RANBP2: variants seen among roughly 807,000 people sequenced by gnomAD.
The protein encoded by RANBP2 is E3 SUMO-protein ligase RanBP2.
A neutral mutation model predicts 303.6 loss-of-function variants in RANBP2; 57 were observed. The observed-to-expected ratio is 0.19, with a 90% CI of 0.15 to 0.23. The LOEUF is 0.23. RANBP2 is among the 10% of genes least tolerant of loss of function. The pLI is 1.00. For missense variants in RANBP2, 3,138 were observed against 3,780.8 expected (o/e 0.83, Z 4.46); for synonymous variants, 1,167 against 1,301.5 (o/e 0.90, Z 2.23).
Position 108,736,214 on chromosome 2 carries a change from T to C in RANBP2, c.747T>C (p.Thr249=). 9.9e-6 allele frequency: 16 copies of C among 1,611,988 alleles called. No individual in the cohort carries two copies. Among genetic ancestry groups the C allele is most frequent in the Non-Finnish European group, 1.4e-5 (16 of 1,179,840 alleles). Residue 249 remains threonine (T), a synonymous_variant, in exon 6 of 29, where the codon ACT becomes ACC. Transcript: ENST00000283195. Reference sequence around the variant, plus strand: ...ATCTTATGCTTCTTACGCTTTCCACTAGAGATGTGCAGGAAAGTAGAGAAT... The same window carrying C: ...ATCTTATGCTTCTTACGCTTTCCACCAGAGATGTGCAGGAAAGTAGAGAAT... ...YANLMLLTLS[T]RDVQESRELL...
chr2:109,610,625 A>G, the RANBP2 span, among the ~76,000 whole-genome samples: 1 of 152,122 alleles, frequency 6.6e-6, no homozygotes, highest in East Asian at 1.9e-4. Context: ...CTGGGGTAGG[A>G]GAATCGCTTG....
chr2:109,253,503 T>G, the RANBP2 span, among the ~76,000 whole-genome samples: 5 of 152,182 alleles, frequency 3.3e-5, no homozygotes, highest in Non-Finnish European at 5.9e-5. Context: ...GGCTTGCTAT[T>G]TGTTTTCTAA....
the RANBP2 span, among the ~76,000 whole-genome samples, chr2:108,813,832 CCT>C: frequency 6.6e-6 from 1 of 152,094 alleles, no homozygotes; most frequent in Non-Finnish European, 1.5e-5. Context: ...ATTAGTTTTG[CCT>C]GTTTGAGACA....
chr2:109,297,615 A>G, the RANBP2 span, among the ~76,000 whole-genome samples: 1 of 128,022 alleles, frequency 7.8e-6, no homozygotes, highest in Admixed American at 8.3e-5. Context: ...CTGGGTCAGT[A>G]CCCTCTACCC....
the RANBP2 span, chr2:109,667,304 G>A: frequency 1.5e-6 from 1 of 647,114 alleles, no homozygotes; most frequent in South Asian, 1.6e-5. Context: ...AGGTCCTGTG[G>A]CCAATTGACT....
At chr2:109,501,803 G>A in the RANBP2 span, 3 of 613,150 alleles carry the variant, frequency 4.9e-6, no homozygotes, top group East Asian at 5.5e-5. Flanking sequence ...GGATACCCTG[G>A]CCCAGGGTGG....
At chr2:109,518,309 G>A in the RANBP2 span, among the ~76,000 whole-genome samples, 27 of 152,162 alleles carry the variant, frequency 1.8e-4, no homozygotes, top group Non-Finnish European at 3.8e-4. Flanking sequence ...TGTTAACTGA[G>A]CACGGTGCTG....
chr2:109,657,963 G>A, the RANBP2 span, among the ~76,000 whole-genome samples: 7 of 151,680 alleles, frequency 4.6e-5, no homozygotes, highest in East Asian at 1.4e-3. Context: ...CAAGTGATCT[G>A]CCTGCCTCAG....
the RANBP2 span, among the ~76,000 whole-genome samples, chr2:108,843,925 C>A: frequency 2.6e-5 from 3 of 113,950 alleles, 1 homozygote; most frequent in Non-Finnish European, 5.0e-5. Flanking sequence ...GGGTCTTGCT[C>A]TGTTGCCCAG....
rs747155610 is a variant in RANBP2, at chr2:108,783,725, A to G, written c.9499A>G (p.Thr3167Ala). 4 of 1,612,900 alleles carry G rather than the reference A, an allele frequency of 2.5e-6. No homozygotes were observed. Among genetic ancestry groups the G allele is most frequent in the Non-Finnish European group, 3.4e-6 (4 of 1,178,878 alleles). ...LLSMANQGQNTNNSQFVITLK... is the reference protein window; with the variant it reads ...LLSMANQGQNANNSQFVITLK... ...ATCCATGGCCAATCAAGGCCAGAAT[A>G]CCAATAATTCTCAATTTGTTATAAC... The change falls in exon 29 of 29, where the codon ACC (threonine) becomes GCC (alanine). Residue 3167 changes from threonine (T) to alanine (A), a missense_variant. Physicochemically the swap from Thr to Ala is moderately conservative, Grantham distance 58. Coordinates refer to ENST00000283195, the MANE Select transcript of RANBP2 (RefSeq NM_006267.5).
chr2:108,786,056 G>C (rs922159760), downstream of RANBP2, among the ~76,000 whole-genome samples: 1 of 151,966 alleles, frequency 6.6e-6, no homozygotes, highest in Non-Finnish European at 1.5e-5. Context: ...GTTTAACATA[G>C]GTTTTCAGGT....
the RANBP2 span, among the ~76,000 whole-genome samples, chr2:109,649,272 A>ACTTGGGAGGCC: frequency 3.3e-5 from 5 of 152,200 alleles, no homozygotes; most frequent in Non-Finnish European, 5.9e-5. Flanking sequence ...CTCCATGACT[A>ACTTGGGAGGCC]AAGTCCTGGA....
At chr2:109,145,116 G>A in the RANBP2 span, among the ~76,000 whole-genome samples, 2 of 152,176 alleles carry the variant, frequency 1.3e-5, no homozygotes, top group African/African-American at 2.4e-5. Context: ...TTCCCTCACC[G>A]GCTCTGTCTG....
the RANBP2 span, chr2:109,129,668 G>A: frequency 6.6e-7 from 1 of 1,512,364 alleles, no homozygotes. Context: ...GCGGGGGCGG[G>A]CGAGGACATG....
At chr2:109,103,277 T>C in the RANBP2 span, among the ~76,000 whole-genome samples, 1 of 152,234 alleles carries the variant, frequency 6.6e-6, no homozygotes, top group African/African-American at 2.4e-5. Flanking sequence ...AGATTTATTC[T>C]GAGCCAAACA....
chr2:109,439,738 G>A, the RANBP2 span, among the ~76,000 whole-genome samples: 2 of 152,018 alleles, frequency 1.3e-5, no homozygotes, highest in Non-Finnish European at 2.9e-5. Context: ...CAGCAAAAAA[G>A]CACCGAGAAG....
At chr2:108,805,562 A>C in the RANBP2 span, among the ~76,000 whole-genome samples, 1 of 52,390 alleles carries the variant, frequency 1.9e-5, no homozygotes, top group African/African-American at 5.2e-5. Context: ...CGTCTCTACC[A>C]AAAATACAAA....
the RANBP2 span, among the ~76,000 whole-genome samples, chr2:109,102,720 G>A: frequency 6.6e-6 from 1 of 152,126 alleles, no homozygotes; most frequent in African/African-American, 2.4e-5. Context: ...GGGAGAGGAA[G>A]GAGAGCCCCA....
chr2:109,255,581 T>A, the RANBP2 span, among the ~76,000 whole-genome samples: 2 of 152,242 alleles, frequency 1.3e-5, no homozygotes, highest in Non-Finnish European at 2.9e-5. Flanking sequence ...ATCACCTCTA[T>A]AATTATGAAA....
Sources: allele counts gnomAD v4.1 joint callset (sites outside exome capture counted in the v4.1 genomes callset), GRCh38; gene constraint gnomAD v4.1.1; transcripts MANE v1.5; gene names NCBI Gene and HGNC (gene_info 2026-07-23, HGNC 2026-07-21).